Variants in ZNF738 observed in about 807,000 individuals in gnomAD.
ZNF738 encodes the protein protein ZNF738.
A neutral mutation model predicts 9.2 loss-of-function variants in ZNF738; 10 were observed. That is an observed-to-expected ratio of 1.09 (90% CI 0.67 to 1.85). The LOEUF is 1.85. Ranked by LOEUF, ZNF738 falls within the 40% of genes most tolerant of loss-of-function variation. ZNF738 has a pLI of 0.00. For missense variants in ZNF738, 346 were observed against 283.6 expected, an observed-to-expected ratio of 1.22 and a Z score of -1.58; for synonymous variants, 113 against 94.5, an observed-to-expected ratio of 1.20 and a Z score of -1.14.
At chr19:21,366,243 A>G (rs1455984893) in intron 2 of ZNF738, among the ~76,000 whole-genome samples, 3 of 152,220 alleles carry the variant, frequency 2.0e-5, no homozygotes, top group African/African-American at 7.2e-5. Context: ...TTGAGACTTT[A>G]CTGAGAGCGG....
At chr19:21,371,123 C>A (rs555711503) in intron 2 of ZNF738, among the ~76,000 whole-genome samples, 1 of 152,138 alleles carries the variant, frequency 6.6e-6, no homozygotes, top group African/African-American at 2.4e-5. Flanking sequence ...CTATACCTAC[C>A]GGTAATTGTG....
At chr19:21,375,480 T>C in intron 3 of ZNF738, 116 bp downstream of exon 3, 1 of 537,094 alleles carries the variant, frequency 1.9e-6, no homozygotes, top group South Asian at 3.0e-5. Flanking sequence ...TGATCCCTGT[T>C]TTCAAAAAAT....
Position 21,375,231 on chromosome 19 carries a change from T to TG in ZNF738, c.97-7_97-6insG, listed in dbSNP as rs1472478206. On this transcript the variant is annotated splice_polypyrimidine_tract_variant and splice_region_variant and intron_variant, in intron 2 of 4. Transcript: ENST00000683779. The stretch of plus-strand genomic sequence containing the variant: ...TGTAAATATGTGTGTGTGTGTGTGT[T>TG]TTTCAGGGGCCGTTGACATTTAGGG... 4.7e-5 allele frequency: 41 copies of TG among 870,066 alleles called. No homozygotes were observed. The highest frequency in any genetic ancestry group is 9.6e-5 in the African/African-American group (5 of 51,874). 53.9% of individuals were successfully genotyped at this position (870,066 alleles called of 1,614,324 possible). A position where few individuals can be genotyped will look rare whatever the true frequency, so the allele number is the denominator to read the frequency against.
At chr19:21,364,290 T>G (rs1045163292) in intron 2 of ZNF738, among the ~76,000 whole-genome samples, 4 of 151,866 alleles carry the variant, frequency 2.6e-5, no homozygotes, top group Admixed American at 2.0e-4. Flanking sequence ...GACAAGGGCT[T>G]TTTTTCATAG....
chr19:21,361,601 G>C (rs1249677084), intron 1 of ZNF738, among the ~76,000 whole-genome samples, 165 bp from the exon 2 acceptor site: 5 of 152,146 alleles, frequency 3.3e-5, no homozygotes, highest in African/African-American at 1.2e-4. Context: ...TTGGGTCAGA[G>C]TTCTGCTTTG....
At chr19:21,369,645 A>G (rs377546062) in intron 2 of ZNF738, among the ~76,000 whole-genome samples, 2 of 152,234 alleles carry the variant, frequency 1.3e-5, no homozygotes, top group Non-Finnish European at 2.9e-5. Context: ...AATTCTTTTC[A>G]TATTCCTGTC....
chr19:21,360,844 T>G (rs910592588), intron 1 of ZNF738, among the ~76,000 whole-genome samples: 9 of 150,964 alleles, frequency 6.0e-5, no homozygotes, highest in African/African-American at 2.2e-4. Context: ...TTCTTTTTTT[T>G]TTGAGACGGA....
rs1974065803 is a variant in ZNF738 at position 21,386,257 on chromosome 19, T to G, written c.*2583T>G. 7.1e-6 allele frequency: 2 copies of G among 281,740 alleles called. No individual in the cohort carries two copies. The highest frequency in any genetic ancestry group is 1.9e-4 in the East Asian group (2 of 10,764). The allele number at this position is 281,740 out of a possible 1,614,324, so 17.5% of individuals were successfully genotyped here. On this transcript the variant is annotated 3_prime_UTR_variant, in exon 5 of 5. Transcript: ENST00000683779. The stretch of plus-strand genomic sequence containing the variant: ...GATAATTTATACTGTGGAGAAGCCT[T>G]ACAAATGTGAAAAATGTAGCAAACC...
intron 4 of ZNF738, among the ~76,000 whole-genome samples, 168 bp from the exon 5 acceptor site, chr19:21,382,698 C>T (rs559884485): frequency 7.2e-5 from 11 of 151,896 alleles, no homozygotes; most frequent in Admixed American, 1.3e-4. Context: ...GATGTATTTT[C>T]GTTAGTATGT....
chr19:21,370,545 T>A (rs2170024), intron 2 of ZNF738, among the ~76,000 whole-genome samples: 91,477 of 151,914 alleles, frequency 0.6, 28,359 homozygotes, highest in African/African-American at 0.76. Flanking sequence ...GCTATTTATT[T>A]CTAATTCAAT....
intron 2 of ZNF738, among the ~76,000 whole-genome samples, chr19:21,362,983 A>T (rs1973719751): frequency 6.6e-6 from 1 of 152,192 alleles, no homozygotes; most frequent in Non-Finnish European, 1.5e-5. Context: ...GGCAGGGTAA[A>T]TTTTTGACAG....
chr19:21,385,981 A>C lies in ZNF738; in HGVS notation c.*2307A>C, dbSNP rs556805423. Among the ~76,000 whole-genome samples, 1 of 152,352 alleles carries C rather than the reference A, an allele frequency of 6.6e-6. No individual in the cohort carries two copies. Among genetic ancestry groups the C allele is most frequent in the African/African-American group, 2.4e-5 (1 of 41,584 alleles). ...TTAACCACTTCTCAACCCTGATGAC[A>C]CATAAGGTAATTCGTGCTGGAGAGA... On this transcript the variant is annotated 3_prime_UTR_variant, in exon 5 of 5. Transcript: ENST00000683779.
In ZNF738 at chr19:21,384,289, C is replaced by T. The variant is rs1974041140; in HGVS notation, c.*615C>T. Among the ~76,000 whole-genome samples, 1 of 143,584 alleles carries T rather than the reference C, an allele frequency of 7.0e-6. No individual in the cohort carries two copies. Among genetic ancestry groups the T allele is most frequent in the Non-Finnish European group, 1.5e-5 (1 of 65,314 alleles). 94.2% of individuals were successfully genotyped at this position (143,584 alleles called of 152,430 possible). A position where few individuals can be genotyped will look rare whatever the true frequency, so the allele number is the denominator to read the frequency against. On this transcript the variant is annotated 3_prime_UTR_variant, in exon 5 of 5. Transcript: ENST00000683779. ...GGCAAAGCCTTTAGTGTATTCTCAA[C>T]CCTTACTAAACATAAGATAATTCAT...
chr19:21,382,900 A>G lies in ZNF738; in HGVS notation c.354A>G (p.Pro118=), dbSNP rs969600425. 5 of 519,246 alleles carry G rather than the reference A, an allele frequency of 9.6e-6. No homozygotes were observed. Among genetic ancestry groups the G allele is most frequent in the African/African-American group, 9.5e-5 (5 of 52,432 alleles). The allele number at this position is 519,246 out of a possible 1,614,324, so 32.2% of individuals were successfully genotyped here. Residue 118 remains proline, a synonymous_variant, in exon 5 of 5, where the codon CCA becomes CCG. Transcript: ENST00000683779. ...TYSHFAQDLW[P]QPGIKDSFQK... ...CTCATTTTGCCCAGGACCTTTGGCC[A>G]CAGCCGGGCATAAAAGATTCTTTCC...
Position 21,383,017 on chromosome 19 carries a change from AAAAG to A in ZNF738, c.474_477del (p.Glu159ValfsTer5), listed in dbSNP as rs935397521. ...AAAGTGTGAATGAGTGTAATGTGCAAAAAGAAGGTTATAATGAACTAAAAGAGTA... is the reference window on the plus strand; with the variant it reads ...AAAGTGTGAATGAGTGTAATGTGCAAAAGGTTATAATGAACTAAAAGAGTA... On this transcript the variant is annotated frameshift_variant, in exon 5 of 5. Transcript: ENST00000683779. LOFTEE classifies it low-confidence loss of function (END_TRUNC). 4 of 778,542 alleles carry A rather than the reference AAAAG, an allele frequency of 5.1e-6. No homozygotes were observed. Among genetic ancestry groups the A allele is most frequent in the Admixed American group, 1.9e-5 (1 of 52,738 alleles). The allele number at this position is 778,542 out of a possible 1,614,324, so 48.2% of individuals were successfully genotyped here.
chr19:21,375,225 G>GTGTT lies in ZNF738; in HGVS notation c.97-10_97-9insTTGT, dbSNP rs2145233166. ...GACACTTGTAAATATGTGTGTGTGT[G>GTGTT]TGTGTTTTTCAGGGGCCGTTGACAT... On this transcript the variant is annotated splice_polypyrimidine_tract_variant and intron_variant, in intron 2 of 4. Transcript: ENST00000683779. The GTGTT allele has an allele frequency of 9.1e-7, 1 of 1,099,970 alleles. No individual in the cohort carries two copies. Among genetic ancestry groups the GTGTT allele is most frequent in the Non-Finnish European group, 1.4e-6 (1 of 725,864 alleles). 68.1% of individuals were successfully genotyped at this position (1,099,970 alleles called of 1,614,324 possible).
intron 4 of ZNF738, chr19:21,377,356 C>G (rs1251439144): frequency 3.0e-6 from 2 of 669,298 alleles, no homozygotes; most frequent in South Asian, 3.2e-5. Context: ...TCTTCACTTA[C>G]TAATATTCTG....
Position 21,383,149 on chromosome 19 carries a change from G to A in ZNF738, c.603G>A (p.Lys201=), listed in dbSNP as rs932136069. ...CACATAAGACAAGACATACTGGAAA[G>A]AAACCTTTCAAATGTAAAAAATGTG... The part of the protein sequence containing the change: ...SNTHKTRHTG[K]KPFKCKKCGK... The change falls in exon 5 of 5, where the codon AAG becomes AAA. Residue 201 remains lysine (K), a synonymous_variant. Coordinates refer to ENST00000683779, the MANE Select transcript of ZNF738 (RefSeq NM_001355237.2). 6 of 1,597,246 alleles carry A rather than the reference G, an allele frequency of 3.8e-6. No individual in the cohort carries two copies. The African/African-American group carries it at 8.0e-5, about 21-fold the overall frequency.
intron 2 of ZNF738, among the ~76,000 whole-genome samples, chr19:21,374,059 T>A (rs1973893855): frequency 6.6e-6 from 1 of 152,158 alleles, no homozygotes; most frequent in African/African-American, 2.4e-5. Context: ...CTATTAAAAG[T>A]GTTTCCCTTG....
Sources: gnomAD v4.1 joint callset for allele counts (sites outside exome capture counted in the v4.1 genomes callset) on GRCh38, gnomAD v4.1.1 for gene constraint, MANE v1.5 for transcripts, NCBI Gene and HGNC (gene_info 2026-07-23, HGNC 2026-07-21) for gene names.